The following CTAGE4 variants were observed in gnomAD, a reference collection of about 807,000 sequenced individuals.
CTAGE4 encodes the protein cutaneous T-cell lymphoma-associated antigen 4.
For synonymous variants in CTAGE4, 4 were observed against 126.0 expected, an observed-to-expected ratio of 0.03 and a Z score of 6.48; for missense variants, 17 against 366.6, an observed-to-expected ratio of 0.05 and a Z score of 7.79.
In CTAGE4 at chr7:144,185,786, A is replaced by ACCT; in HGVS notation, c.2287_2289dup (p.Pro763dup). The ACCT allele has an allele frequency of 7.7e-7, 1 of 1,306,264 alleles. No individual in the cohort carries two copies. 80.9% of individuals were successfully genotyped at this position (1,306,264 alleles called of 1,614,324 possible). On this transcript the variant is annotated inframe_insertion, in exon 1 of 1. Coordinates refer to ENST00000486333, the MANE Select transcript of CTAGE4 (RefSeq NM_198495.3). ...GAAACATCTATCCACCGAGGGGTTT[A>ACCT]CCTCCTTACCTTCATCCGAGACCTG...
chr7:144,185,408 ACTGT>A lies in CTAGE4; in HGVS notation c.1909_1912del (p.Ser637AspfsTer10), dbSNP rs2051936473. On this transcript the variant is annotated frameshift_variant, in exon 1 of 1. Transcript: ENST00000486333. LOFTEE classifies it low-confidence loss of function (END_TRUNC). ...ACAGATTTTATTCTAATTCTGAAAGACTGTCTGGACCAGCAGAACCCAGAAGTTT... is the reference window on the plus strand; with the variant it reads ...ACAGATTTTATTCTAATTCTGAAAGACTGGACCAGCAGAACCCAGAAGTTT... 1 of 1,039,572 alleles carries A rather than the reference ACTGT, an allele frequency of 9.6e-7. No homozygotes were observed. Among genetic ancestry groups the A allele is most frequent in the Non-Finnish European group, 1.3e-6 (1 of 748,750 alleles). The allele number at this position is 1,039,572 out of a possible 1,614,324, so 64.4% of individuals were successfully genotyped here. A position where few individuals can be genotyped will look rare whatever the true frequency, so the allele number is the denominator to read the frequency against.
chr7:144,184,359 GAC>G lies in CTAGE4; in HGVS notation c.860_861del (p.Thr287AsnfsTer3), dbSNP rs1389911066. 1.2e-6 allele frequency: 1 copy of G among 804,248 alleles called. No homozygotes were observed. The highest frequency in any genetic ancestry group is 1.8e-6 in the Non-Finnish European group (1 of 554,480). 49.8% of individuals were successfully genotyped at this position (804,248 alleles called of 1,614,324 possible). On this transcript the variant is annotated frameshift_variant, in exon 1 of 1. Transcript: ENST00000486333. LOFTEE classifies it low-confidence loss of function (END_TRUNC). ...AGATCAGGCTGCTGTGCTTGAAGAA[GAC>G]ACAACGGATGATGATAACCTGGAAT... ...MKDQAAVLEEDTTDDDNLELE... is the reference protein window; with the variant it reads ...MKDQAAVLEEXTTDDDNLELE...
In CTAGE4 at chr7:144,185,619, T is replaced by C; in HGVS notation, c.2116T>C (p.Phe706Leu). ...TCTTGCTCCAATCAGCGGTCCATTGTTTCCAGTGGATACAAGGGGCCCGTT... is the reference window on the plus strand; with the variant it reads ...TCTTGCTCCAATCAGCGGTCCATTGCTTCCAGTGGATACAAGGGGCCCGTT... Reference protein sequence around the residue: ...PPLAPISGPLFPVDTRGPFMR... With the variant: ...PPLAPISGPLLPVDTRGPFMR... Residue 706 changes from phenylalanine to leucine, a missense_variant, in exon 1 of 1, where the codon TTT becomes CTT. Transcript: ENST00000486333. 1 of 1,539,444 alleles carries C rather than the reference T, an allele frequency of 6.5e-7. No homozygotes were observed. The highest frequency in any genetic ancestry group is 8.9e-7 in the Non-Finnish European group (1 of 1,125,052).
At position 144,185,299 on chromosome 7, in the gene CTAGE4, C is replaced by G. The variant is rs2051935563; in HGVS notation, c.1796C>G (p.Ser599Cys). Residue 599 changes from serine to cysteine, a missense_variant, in exon 1 of 1, where the codon TCT (serine) becomes TGT (cysteine). Transcript: ENST00000486333. ...RAPSDTGSLS[S>C]PVEQDRRMMF... is the part of the protein sequence containing the mutation. ...CCTTCTGACACTGGGTCCCTGTCAT[C>G]TCCGGTGGAACAGGACCGTAGGATG... is the stretch of plus-strand genomic sequence containing the variant. The G allele has an allele frequency of 1.9e-6, 1 of 521,480 alleles. No homozygotes were observed. Among genetic ancestry groups the G allele is most frequent in the Non-Finnish European group, 3.0e-6 (1 of 338,836 alleles). 32.3% of individuals were successfully genotyped at this position (521,480 alleles called of 1,614,324 possible). A position where few individuals can be genotyped will look rare whatever the true frequency, so the allele number is the denominator to read the frequency against.
chr7:144,184,396 ACAGT>A lies in CTAGE4; in HGVS notation c.896_899del (p.Ser299AsnfsTer8), dbSNP rs1372879205. ...GATGATAACCTGGAATTAGAAGTGAACAGTCAATGGGAAAATGGTGCTAACTTAG... is the reference window on the plus strand; with the variant it reads ...GATGATAACCTGGAATTAGAAGTGAACAATGGGAAAATGGTGCTAACTTAG... On this transcript the variant is annotated frameshift_variant, in exon 1 of 1. Coordinates refer to ENST00000486333, the MANE Select transcript of CTAGE4 (RefSeq NM_198495.3). LOFTEE classifies it low-confidence loss of function (END_TRUNC). 57 of 661,566 alleles carry A rather than the reference ACAGT, an allele frequency of 8.6e-5. No individual in the cohort carries two copies. The highest frequency in any genetic ancestry group is 1.2e-4 in the Non-Finnish European group (53 of 435,364). 41.0% of individuals were successfully genotyped at this position (661,566 alleles called of 1,614,324 possible). A position where few individuals can be genotyped will look rare whatever the true frequency, so the allele number is the denominator to read the frequency against.
Position 144,185,992 on chromosome 7 carries a change from T to G in CTAGE4, c.*155T>G, listed in dbSNP as rs546579883. ...TTCAGTTTAAGTAACTGCTGTTACTTAAGTGATTGCACTTTTCTCAAATTG... is the reference window on the plus strand; with the variant it reads ...TTCAGTTTAAGTAACTGCTGTTACTGAAGTGATTGCACTTTTCTCAAATTG... On this transcript the variant is annotated 3_prime_UTR_variant, in exon 1 of 1. Coordinates refer to ENST00000486333, the MANE Select transcript of CTAGE4 (RefSeq NM_198495.3). The G allele has an allele frequency of 3.2e-4, 132 of 407,168 alleles. 4 individuals are homozygous for G. The African/African-American group carries it at 6.4e-3, about 20-fold the overall frequency. The allele number at this position is 407,168 out of a possible 1,614,324, so 25.2% of individuals were successfully genotyped here. A position where few individuals can be genotyped will look rare whatever the true frequency, so the allele number is the denominator to read the frequency against.
Position 144,186,052 on chromosome 7 carries a change from T to C in CTAGE4, c.*215T>C. Reference sequence around the variant, plus strand: ...GGAATAATAGTTCTCAGGATAGTATTTCGTAAATAAAGATGGTTTGAATAT... The same window carrying C: ...GGAATAATAGTTCTCAGGATAGTATCTCGTAAATAAAGATGGTTTGAATAT... On this transcript the variant is annotated 3_prime_UTR_variant, in exon 1 of 1. Coordinates refer to ENST00000486333, the MANE Select transcript of CTAGE4 (RefSeq NM_198495.3). The C allele has an allele frequency of 6.7e-6, 1 of 148,418 alleles. No individual in the cohort carries two copies. The highest frequency in any genetic ancestry group is 1.1e-5 in the Non-Finnish European group (1 of 91,446). 9.2% of individuals were successfully genotyped at this position (148,418 alleles called of 1,614,324 possible).
Position 144,185,318 on chromosome 7 carries a change from TA to T in CTAGE4, c.1816del (p.Arg606GlyfsTer2). On this transcript the variant is annotated frameshift_variant, in exon 1 of 1. Coordinates refer to ENST00000486333, the MANE Select transcript of CTAGE4 (RefSeq NM_198495.3). LOFTEE classifies it low-confidence loss of function (END_TRUNC). ...TGTCATCTCCGGTGGAACAGGACCGTAGGATGATGTTTCCTCCACCAGGGCA... is the reference window on the plus strand; with the variant it reads ...TGTCATCTCCGGTGGAACAGGACCGTGGATGATGTTTCCTCCACCAGGGCA... ...SLSSPVEQDR[R>X]MMFPPPGQSY... The T allele has an allele frequency of 1.7e-6, 1 of 593,292 alleles. No homozygotes were observed. The highest frequency in any genetic ancestry group is 2.5e-6 in the Non-Finnish European group (1 of 395,444). 36.8% of individuals were successfully genotyped at this position (593,292 alleles called of 1,614,324 possible).
rs2051932397 is a variant in CTAGE4 at position 144,184,448 on chromosome 7, GA to G, written c.947del (p.Lys316ArgfsTer3). 1 of 494,260 alleles carries G rather than the reference GA, an allele frequency of 2.0e-6. No homozygotes were observed. The highest frequency in any genetic ancestry group is 7.0e-5 in the African/African-American group (1 of 14,358). 30.6% of individuals were successfully genotyped at this position (494,260 alleles called of 1,614,324 possible). On this transcript the variant is annotated frameshift_variant, in exon 1 of 1. Transcript: ENST00000486333. LOFTEE classifies it low-confidence loss of function (END_TRUNC). ...TAGATGATCCTCTGAAAGGAGCTTT[GA>G]AGAAACTGATTCATGCTGCTAAGTT... ...NLDDPLKGAL[K>X]KLIHAAKLNV...
Position 144,185,430 on chromosome 7 carries a change from A to G in CTAGE4, c.1927A>G (p.Arg643Gly). 1 of 1,198,892 alleles carries G rather than the reference A, an allele frequency of 8.3e-7. No individual in the cohort carries two copies. Among genetic ancestry groups the G allele is most frequent in the Non-Finnish European group, 1.1e-6 (1 of 871,910 alleles). 74.3% of individuals were successfully genotyped at this position (1,198,892 alleles called of 1,614,324 possible). A position where few individuals can be genotyped will look rare whatever the true frequency, so the allele number is the denominator to read the frequency against. ...SERLSGPAEP[R>G]SFKMTSLDKM... ...AAGACTGTCTGGACCAGCAGAACCC[A>G]GAAGTTTTAAAATGACTTCTTTGGA... The change falls in exon 1 of 1, where the codon AGA (arginine) becomes GGA (glycine). Residue 643 changes from arginine (R) to glycine (G), a missense_variant. Coordinates refer to ENST00000486333, the MANE Select transcript of CTAGE4 (RefSeq NM_198495.3).
chr7:144,185,580 C>T lies in CTAGE4; in HGVS notation c.2077C>T (p.Leu693Phe), dbSNP rs201010806. 350,135 of 1,426,304 alleles carry T rather than the reference C, an allele frequency of 0.25. 11,399 individuals are homozygous for T. The highest frequency in any genetic ancestry group is 0.31 in the East Asian group (11,763 of 38,316). 88.4% of individuals were successfully genotyped at this position (1,426,304 alleles called of 1,614,324 possible). ...TGAAAATGAAGCAACTGGCCCTGGC[C>T]TTATTCCTCCACCTCTTGCTCCAAT... Reference protein sequence around the residue: ...PAENEATGPGLIPPPLAPISG... With the variant: ...PAENEATGPGFIPPPLAPISG... Residue 693 changes from leucine (L) to phenylalanine (F), a missense_variant, in exon 1 of 1, where the codon CTT (leucine) becomes TTT (phenylalanine). Transcript: ENST00000486333.
chr7:144,184,546 CAAAG>C lies in CTAGE4; in HGVS notation c.1044_1047del (p.Glu350SerfsTer36). ...ATTCAGTTATCTGAAGTGGACAAAA[CAAAG>C]GAAGAGCTTACAGAGCATATTAAAA... On this transcript the variant is annotated frameshift_variant, in exon 1 of 1. Transcript: ENST00000486333. LOFTEE classifies it low-confidence loss of function (END_TRUNC). 2.4e-6 allele frequency: 1 copy of C among 419,848 alleles called. No homozygotes were observed. Among genetic ancestry groups the C allele is most frequent in the South Asian group, 2.6e-5 (1 of 38,046 alleles). The allele number at this position is 419,848 out of a possible 1,614,324, so 26.0% of individuals were successfully genotyped here.
In CTAGE4 at chr7:144,184,799, C is replaced by CTA; in HGVS notation, c.1299_1300dup (p.Arg434IlefsTer4). On this transcript the variant is annotated frameshift_variant, in exon 1 of 1. Coordinates refer to ENST00000486333, the MANE Select transcript of CTAGE4 (RefSeq NM_198495.3). LOFTEE classifies it low-confidence loss of function (END_TRUNC). ...GCCGTGCCACTGAAGGGCTGGAGAC[C>CTA]TATAGAAAGCTAGCCAAAGATCTTG... The CTA allele has an allele frequency of 5.6e-5, 4 of 70,830 alleles. No individual in the cohort carries two copies. The highest frequency in any genetic ancestry group is 8.7e-5 in the Non-Finnish European group (4 of 45,782). 4.4% of individuals were successfully genotyped at this position (70,830 alleles called of 1,614,324 possible).
chr7:144,185,339 A>G lies in CTAGE4; in HGVS notation c.1836A>G (p.Pro612=), dbSNP rs1232085306. 5 of 671,130 alleles carry G rather than the reference A, an allele frequency of 7.5e-6. No homozygotes were observed. The highest frequency in any genetic ancestry group is 8.5e-4 in the Middle Eastern group (2 of 2,344). 41.6% of individuals were successfully genotyped at this position (671,130 alleles called of 1,614,324 possible). A position where few individuals can be genotyped will look rare whatever the true frequency, so the allele number is the denominator to read the frequency against. The change falls in exon 1 of 1, where the codon CCA becomes CCG. Residue 612 remains proline (P), a synonymous_variant. Coordinates refer to ENST00000486333, the MANE Select transcript of CTAGE4 (RefSeq NM_198495.3). ...ACCGTAGGATGATGTTTCCTCCACC[A>G]GGGCAATCATATCCTGATTCAACTC... ...EQDRRMMFPP[P]GQSYPDSTLP...
chr7:144,184,386 T>C lies in CTAGE4; in HGVS notation c.883T>C (p.Leu295=). Residue 295 remains leucine (L), a synonymous_variant, in exon 1 of 1, where the codon TTA becomes CTA. Transcript: ENST00000486333. ...EDTTDDDNLE[L]EVNSQWENGA... is the part of the protein sequence containing the mutation. The stretch of plus-strand genomic sequence containing the variant: ...CACAACGGATGATGATAACCTGGAA[T>C]TAGAAGTGAACAGTCAATGGGAAAA... 1 of 716,020 alleles carries C rather than the reference T, an allele frequency of 1.4e-6. No individual in the cohort carries two copies. The highest frequency in any genetic ancestry group is 2.1e-6 in the Non-Finnish European group (1 of 481,898). The allele number at this position is 716,020 out of a possible 1,614,324, so 44.4% of individuals were successfully genotyped here. A position where few individuals can be genotyped will look rare whatever the true frequency, so the allele number is the denominator to read the frequency against.
rs2051946086 is a variant in CTAGE4 at position 144,185,934 on chromosome 7, C to G, written c.*97C>G. 2 of 740,152 alleles carry G rather than the reference C, an allele frequency of 2.7e-6. No individual in the cohort carries two copies. Among genetic ancestry groups the G allele is most frequent in the African/African-American group, 6.3e-5 (2 of 31,784 alleles). 45.8% of individuals were successfully genotyped at this position (740,152 alleles called of 1,614,324 possible). On this transcript the variant is annotated 3_prime_UTR_variant, in exon 1 of 1. Transcript: ENST00000486333. ...AGCAAGAAACCTGACAATATTGTTG[C>G]TTTCTTCAAAAGTAATTTTGACTGA...
At position 144,185,285 on chromosome 7, in the gene CTAGE4, TG is replaced by T; in HGVS notation, c.1785del (p.Ser596ProfsTer12). The stretch of plus-strand genomic sequence containing the variant: ...ATCCTCACAGGGCTCCTTCTGACAC[TG>T]GGTCCCTGTCATCTCCGGTGGAACA... ...IDPHRAPSDT[G>X]SLSSPVEQDR... On this transcript the variant is annotated frameshift_variant, in exon 1 of 1. Transcript: ENST00000486333. LOFTEE classifies it low-confidence loss of function (END_TRUNC). 2.1e-6 allele frequency: 1 copy of T among 475,834 alleles called. No individual in the cohort carries two copies. Among genetic ancestry groups the T allele is most frequent in the Non-Finnish European group, 3.3e-6 (1 of 300,988 alleles). The allele number at this position is 475,834 out of a possible 1,614,324, so 29.5% of individuals were successfully genotyped here. A position where few individuals can be genotyped will look rare whatever the true frequency, so the allele number is the denominator to read the frequency against.
chr7:144,184,434 CTGAAAGG>C lies in CTAGE4; in HGVS notation c.932_938del (p.Leu311GlnfsTer3). 1.9e-6 allele frequency: 1 copy of C among 517,982 alleles called. No homozygotes were observed. Among genetic ancestry groups the C allele is most frequent in the South Asian group, 2.2e-5 (1 of 45,950 alleles). 32.1% of individuals were successfully genotyped at this position (517,982 alleles called of 1,614,324 possible). On this transcript the variant is annotated frameshift_variant, in exon 1 of 1. Coordinates refer to ENST00000486333, the MANE Select transcript of CTAGE4 (RefSeq NM_198495.3). LOFTEE classifies it low-confidence loss of function (END_TRUNC). The stretch of plus-strand genomic sequence containing the variant: ...AAATGGTGCTAACTTAGATGATCCT[CTGAAAGG>C]AGCTTTGAAGAAACTGATTCATGCT...
chr7:144,185,324 G>A lies in CTAGE4; in HGVS notation c.1821G>A (p.Met607Ile), dbSNP rs1373085188. The A allele has an allele frequency of 1.6e-6, 1 of 614,774 alleles. No homozygotes were observed. The highest frequency in any genetic ancestry group is 3.1e-5 in the East Asian group (1 of 32,426). The allele number at this position is 614,774 out of a possible 1,614,324, so 38.1% of individuals were successfully genotyped here. A position where few individuals can be genotyped will look rare whatever the true frequency, so the allele number is the denominator to read the frequency against. ...LSSPVEQDRR[M>I]MFPPPGQSYP... The stretch of plus-strand genomic sequence containing the variant: ...CTCCGGTGGAACAGGACCGTAGGAT[G>A]ATGTTTCCTCCACCAGGGCAATCAT... The change falls in exon 1 of 1, where the codon ATG becomes ATA. Residue 607 changes from methionine to isoleucine, a missense_variant. By Grantham distance (10) the Met-to-Ile change is conservative (BLOSUM62 1). Transcript: ENST00000486333.
Sources: allele counts gnomAD v4.1 joint callset, GRCh38; gene constraint gnomAD v4.1.1; transcripts MANE v1.5; gene names NCBI Gene and HGNC (gene_info 2026-07-23, HGNC 2026-07-21).